Variants in ITGAM observed in about 807,000 individuals in gnomAD.
ITGAM encodes integrin alpha-M.
A neutral mutation model predicts 137.5 loss-of-function variants in ITGAM; 79 were observed. The observed-to-expected ratio is 0.57, with a 90% CI of 0.48 to 0.69. The LOEUF (loss-of-function observed/expected upper bound fraction) is 0.69. Ranked by LOEUF, ITGAM falls within the 30% of genes least tolerant of loss-of-function variation. The pLI is 0.00. For missense variants in ITGAM, 1,343 were observed against 1,483.5 expected (o/e 0.91, Z 1.56); for synonymous variants, 583 against 592.3 (o/e 0.98, Z 0.23).
In ITGAM at chr16:31,326,949, CCAGGCTTCTG is replaced by C. The variant is rs753143144; in HGVS notation, c.2708+20_2708+29del. 6.2e-7 allele frequency: 1 copy of C among 1,602,148 alleles called. No homozygotes were observed. The highest frequency in any genetic ancestry group is 1.1e-5 in the South Asian group (1 of 90,826). ...CAATGTGACCAGGTGCTCTCTGCTACCAGGCTTCTGCAGGCAGTTGCCCGTCTGACGCCCC... is the reference window on the plus strand; with the variant it reads ...CAATGTGACCAGGTGCTCTCTGCTACCAGGCAGTTGCCCGTCTGACGCCCC... On this transcript the variant is annotated intron_variant, in intron 22 of 29. Coordinates refer to ENST00000544665, the MANE Select transcript of ITGAM (RefSeq NM_000632.4).
chr16:31,309,959 T>G (rs1384401319), intron 14 of ITGAM, among the ~76,000 whole-genome samples: 1 of 151,936 alleles, frequency 6.6e-6, no homozygotes, highest in Non-Finnish European at 1.5e-5. Flanking sequence ...ATTCTTTCCT[T>G]TAAGAATGTT....
At position 31,331,719 on chromosome 16, in the gene ITGAM, C is replaced by G; in HGVS notation, c.*12C>G. 1.3e-6 allele frequency: 2 copies of G among 1,585,140 alleles called. No homozygotes were observed. The highest frequency in any genetic ancestry group is 1.7e-6 in the Non-Finnish European group (2 of 1,165,372). ...CCGAACCCCAGTAGCGGCTCCTTCC[C>G]GACAGAGCTGCCTCTCGGTGGCCAG... On this transcript the variant is annotated 3_prime_UTR_variant, in exon 30 of 30. Transcript: ENST00000544665.
chr16:31,299,652 T>A (rs1399698868), intron 14 of ITGAM, among the ~76,000 whole-genome samples: 1 of 152,180 alleles, frequency 6.6e-6, no homozygotes, highest in African/African-American at 2.4e-5. Flanking sequence ...AACCACGCCG[T>A]ATTCATCCTT....
chr16:31,310,002 GA>G (rs2080307980), intron 14 of ITGAM, among the ~76,000 whole-genome samples: 1 of 151,676 alleles, frequency 6.6e-6, no homozygotes, highest in Non-Finnish European at 1.5e-5. Context: ...CTGGCTTGTA[GA>G]GTTTCTGCTG....
At position 31,271,028 on chromosome 16, in the gene ITGAM, C is replaced by T. The variant is rs776216667; in HGVS notation, c.502C>T (p.Arg168Trp). ...TAGCATCATCCCACATGACTTTCGGCGGATGAAGGAGTTTGTCTCAACTGT... is the reference window on the plus strand; with the variant it reads ...TAGCATCATCCCACATGACTTTCGGTGGATGAAGGAGTTTGTCTCAACTGT... ...SGSIIPHDFR[R>W]MKEFVSTVME... Residue 168 changes from arginine to tryptophan, a missense_variant, in exon 6 of 30, where the codon CGG (arginine) becomes TGG (tryptophan). By Grantham distance (101) the Arg-to-Trp change is moderately radical. Transcript: ENST00000544665. The T allele has an allele frequency of 1.8e-5, 29 of 1,582,694 alleles. No individual in the cohort carries two copies. Among genetic ancestry groups the T allele is most frequent in the South Asian group, 1.3e-4 (11 of 86,232 alleles).
chr16:31,328,739 C>T (rs563511929), intron 23 of ITGAM, among the ~76,000 whole-genome samples: 2 of 123,700 alleles, frequency 1.6e-5, no homozygotes, highest in Non-Finnish European at 3.3e-5. Flanking sequence ...TGTATTTGTG[C>T]GTATGTCTGA....
In ITGAM at chr16:31,276,622, AT is replaced by A. The variant is rs758426922; in HGVS notation, c.1010-48del. On this transcript the variant is annotated intron_variant, in intron 9 of 29. Transcript: ENST00000544665. Reference sequence around the variant, plus strand: ...GTTGGGATTACAGGCGTGAGCCACCATGCCCGGCCTTCTGCTTTCTTTAATA... The same window carrying A: ...GTTGGGATTACAGGCGTGAGCCACCAGCCCGGCCTTCTGCTTTCTTTAATA... The A allele has an allele frequency of 6.4e-6, 9 of 1,396,248 alleles. No homozygotes were observed. In the South Asian group the frequency reaches 1.1e-4, roughly 17 times the overall value. The allele number at this position is 1,396,248 out of a possible 1,614,324, so 86.5% of individuals were successfully genotyped here.
intron 8 of ITGAM, among the ~76,000 whole-genome samples, chr16:31,274,521 C>T (rs1327025752): frequency 6.6e-6 from 1 of 152,192 alleles, no homozygotes; most frequent in Non-Finnish European, 1.5e-5. Flanking sequence ...AGTCACAGAG[C>T]TGTCTGGTGA....
In ITGAM at chr16:31,330,074, T is replaced by G; in HGVS notation, c.2977-7T>G. On this transcript the variant is annotated splice_region_variant and splice_polypyrimidine_tract_variant and intron_variant, in intron 25 of 29. Coordinates refer to ENST00000544665, the MANE Select transcript of ITGAM (RefSeq NM_000632.4). ...TCTGCCCCTTCTCAGTGCGTCTCTT[T>G]CCTCAGAACCTCTCGAGTACGTGCC... 1 of 1,613,066 alleles carries G rather than the reference T, an allele frequency of 6.2e-7. No homozygotes were observed. The highest frequency in any genetic ancestry group is 8.5e-7 in the Non-Finnish European group (1 of 1,179,468).
Position 31,325,639 on chromosome 16 carries a change from C to T in ITGAM, c.2628+17C>T. On this transcript the variant is annotated intron_variant, in intron 21 of 29. Transcript: ENST00000544665. Reference sequence around the variant, plus strand: ...AACTCAGAGGTCAGAACTCCTGGCTCCTCCCCTCCTTTTCTCTTTGATTTC... The same window carrying T: ...AACTCAGAGGTCAGAACTCCTGGCTTCTCCCCTCCTTTTCTCTTTGATTTC... 1.2e-6 allele frequency: 2 copies of T among 1,605,844 alleles called. No homozygotes were observed. Among genetic ancestry groups the T allele is most frequent in the Non-Finnish European group, 1.7e-6 (2 of 1,177,580 alleles).
intron 7 of ITGAM, among the ~76,000 whole-genome samples, chr16:31,272,463 AT>A (rs1157912736): frequency 1.8e-4 from 2 of 10,888 alleles, no homozygotes; most frequent in African/African-American, 4.1e-4. Context: ...ATATATATAT[AT>A]TTTTTTTTTT....
chr16:31,330,534 A>T lies in ITGAM; in HGVS notation c.3205A>T (p.Thr1069Ser). 1.9e-6 allele frequency: 3 copies of T among 1,613,690 alleles called. No homozygotes were observed. The highest frequency in any genetic ancestry group is 2.5e-6 in the Non-Finnish European group (3 of 1,179,642). ...GCATAACCACCTCCTGATCGTGAGC[A>T]CAGCTGAGATCTTGTTTAACGATTC... ...TSHNHLLIVS[T>S]AEILFNDSVF... Residue 1069 changes from threonine to serine, a missense_variant, in exon 28 of 30, where the codon ACA becomes TCA. By Grantham distance (58) the Thr-to-Ser change is moderately conservative. Transcript: ENST00000544665.
intron 5 of ITGAM, among the ~76,000 whole-genome samples, chr16:31,267,431 T>C (rs542043976): frequency 6.6e-6 from 1 of 152,276 alleles, no homozygotes; most frequent in Non-Finnish European, 1.5e-5. Flanking sequence ...TTTATCTTAA[T>C]AAGCGGTTTT....
At position 31,331,166 on chromosome 16, in the gene ITGAM, C is replaced by T. The variant is rs747745143; in HGVS notation, c.3278C>T (p.Thr1093Met). The stretch of plus-strand genomic sequence containing the variant: ...TGACGCCCCTCCTTCCTCCCCCAGA[C>T]GGAGACCAAAGTGGAGCCGTTCGAG... Reference protein sequence around the residue: ...PGQGAFVRSQTETKVEPFEVP... With the variant: ...PGQGAFVRSQMETKVEPFEVP... Residue 1093 changes from threonine to methionine, a missense_variant and splice_region_variant, in exon 29 of 30, where the codon ACG becomes ATG. Thr to Met is a moderately conservative substitution (Grantham distance 81). Coordinates refer to ENST00000544665, the MANE Select transcript of ITGAM (RefSeq NM_000632.4). 3 of 1,592,226 alleles carry T rather than the reference C, an allele frequency of 1.9e-6. No homozygotes were observed. The highest frequency in any genetic ancestry group is 1.1e-5 in the South Asian group (1 of 90,312).
intron 12 of ITGAM, among the ~76,000 whole-genome samples, chr16:31,288,423 G>A (rs2080051480): frequency 1.3e-5 from 2 of 152,050 alleles, no homozygotes; most frequent in Non-Finnish European, 2.9e-5. Flanking sequence ...CCAATTGTTG[G>A]AACAGAACAG....
chr16:31,270,699 G>GCATA (rs1555464797), intron 5 of ITGAM, among the ~76,000 whole-genome samples: 4 of 25,998 alleles, frequency 1.5e-4, no homozygotes, highest in Non-Finnish European at 2.3e-4. Context: ...GTGTGTGTGT[G>GCATA]TATATATATA....
At chr16:31,322,702 A>G (rs896032319) in intron 16 of ITGAM, among the ~76,000 whole-genome samples, 32 of 152,214 alleles carry the variant, frequency 2.1e-4, no homozygotes, top group African/African-American at 7.5e-4. Flanking sequence ...TTGGATAGGA[A>G]TTTTTAAAAG....
At chr16:31,271,462 C>T (rs1337711999) in intron 6 of ITGAM, among the ~76,000 whole-genome samples, 1 of 152,246 alleles carries the variant, frequency 6.6e-6, no homozygotes, top group Non-Finnish European at 1.5e-5. Context: ...AAGCAATTCT[C>T]TTGCCTCAGC....
At position 31,261,773 on chromosome 16, in the gene ITGAM, G is replaced by A. The variant is rs756043582; in HGVS notation, c.110G>A (p.Ser37Asn). Residue 37 changes from serine to asparagine, a missense_variant, in exon 2 of 30, where the codon AGC (serine) becomes AAC (asparagine). By Grantham distance (46) the Ser-to-Asn change is conservative (BLOSUM62 1). Transcript: ENST00000544665. ...FQENARGFGQ[S>N]VVQLQGSRVV... The stretch of plus-strand genomic sequence containing the variant: ...GAGAACGCAAGGGGCTTCGGGCAGA[G>A]CGTGGTCCAGCTTCAGGGATCCAGG... The A allele has an allele frequency of 1.2e-6, 2 of 1,612,920 alleles. No individual in the cohort carries two copies. Among genetic ancestry groups the A allele is most frequent in the Non-Finnish European group, 1.7e-6 (2 of 1,179,420 alleles).
Sources: allele counts gnomAD v4.1 joint callset (sites outside exome capture counted in the v4.1 genomes callset), GRCh38; gene constraint gnomAD v4.1.1; transcripts MANE v1.5; gene names NCBI Gene and HGNC (gene_info 2026-07-23, HGNC 2026-07-21).